The following RUNDC3B variants were observed in gnomAD, a reference collection of about 807,000 sequenced individuals.
RUNDC3B encodes RUN domain-containing protein 3B.
RUNDC3B carries 33 observed loss-of-function variants against 58.4 expected under a neutral mutation model. The observed-to-expected ratio is 0.56, with a 90% CI of 0.43 to 0.75. The LOEUF (loss-of-function observed/expected upper bound fraction) is 0.75. RUNDC3B is among the 30% of genes least tolerant of loss of function. The pLI is 0.00. For synonymous variants in RUNDC3B, 193 were observed against 195.2 expected (o/e 0.99, Z 0.10); for missense variants, 501 against 535.7 (o/e 0.94, Z 0.64).
rs1168141924 is a variant in RUNDC3B at position 87,796,742 on chromosome 7, C to T, written c.957-10631C>T. 3.3e-5 allele frequency among the ~76,000 whole-genome samples: 5 copies of T among 152,098 alleles called. No homozygotes were observed. In the East Asian group the frequency reaches 9.6e-4, roughly 29 times the overall value. ...AATAAGAGAGACGTTAAGGTGTTCC[C>T]GGATAAATATAAGCTGAAGACATTC... On this transcript the variant is annotated intron_variant, in intron 8 of 10. Coordinates refer to ENST00000394654, the MANE Select transcript of RUNDC3B (RefSeq NM_001134405.2).
intron 2 of RUNDC3B, among the ~76,000 whole-genome samples, chr7:87,653,512 A>G (rs1157992513): frequency 6.6e-6 from 1 of 152,048 alleles, no homozygotes; most frequent in Non-Finnish European, 1.5e-5. Flanking sequence ...TAACAGGGGG[A>G]CATATAGTCT....
chr7:87,664,380 T>C (rs894787141), intron 2 of RUNDC3B, among the ~76,000 whole-genome samples: 1 of 152,062 alleles, frequency 6.6e-6, no homozygotes, highest in Non-Finnish European at 1.5e-5. Flanking sequence ...CAAAATTACT[T>C]TACTTACAAG....
At position 87,677,274 on chromosome 7, in the gene RUNDC3B, A is replaced by AACACAC. The variant is rs57009840; in HGVS notation, c.239-23116_239-23111dup. Reference sequence around the variant, plus strand: ...TGGATTAATAAACTACAGTGTATATAACACACACACACACACACACACACA... The same window carrying AACACAC: ...TGGATTAATAAACTACAGTGTATATAACACACACACACACACACACACACACACACA... On this transcript the variant is annotated intron_variant, in intron 2 of 10. Coordinates refer to ENST00000394654, the MANE Select transcript of RUNDC3B (RefSeq NM_001134405.2). Among the ~76,000 whole-genome samples the AACACAC allele has an allele frequency of 2.8e-3, 374 of 135,892 alleles. 2 individuals carry two copies. Among genetic ancestry groups the AACACAC allele is most frequent in the Middle Eastern group, 0.015 (4 of 266 alleles). The allele number at this position is 135,892 out of a possible 152,430, so 89.2% of individuals were successfully genotyped here. A position where few individuals can be genotyped will look rare whatever the true frequency, so the allele number is the denominator to read the frequency against.
Position 87,736,458 on chromosome 7 carries a change from T to G in RUNDC3B, c.459-3333T>G, listed in dbSNP as rs192938395. Among the ~76,000 whole-genome samples the G allele has an allele frequency of 4.0e-3, 608 of 152,166 alleles. 3 individuals carry two copies. Among genetic ancestry groups the G allele is most frequent in the African/African-American group, 0.014 (581 of 41,548 alleles). On this transcript the variant is annotated intron_variant, in intron 4 of 10. Transcript: ENST00000394654. The stretch of plus-strand genomic sequence containing the variant: ...TCAATTAGAGTTAAATTATATGTGG[T>G]AAAAGAAAAGCATATTCTTATAAGG...
At chr7:87,821,795 A>T (rs551663519) in intron 10 of RUNDC3B, among the ~76,000 whole-genome samples, 1 of 152,332 alleles carries the variant, frequency 6.6e-6, no homozygotes, top group African/African-American at 2.4e-5. Context: ...TGGGGAAAGG[A>T]TTCCCTATTT....
At chr7:87,749,613 C>A (rs1832844406) in intron 6 of RUNDC3B, among the ~76,000 whole-genome samples, 1 of 152,058 alleles carries the variant, frequency 6.6e-6, no homozygotes, top group South Asian at 2.1e-4. Flanking sequence ...GTATTAGACA[C>A]ATTTTTTAAA....
At chr7:87,722,361 C>G (rs1215312938) in intron 4 of RUNDC3B, among the ~76,000 whole-genome samples, 1 of 152,016 alleles carries the variant, frequency 6.6e-6, no homozygotes, top group African/African-American at 2.4e-5. Flanking sequence ...CATGCCCCTA[C>G]CCCCCAGCCT....
chr7:87,738,248 A>G (rs1035973728), intron 4 of RUNDC3B, among the ~76,000 whole-genome samples: 1 of 152,076 alleles, frequency 6.6e-6, no homozygotes, highest in African/African-American at 2.4e-5. Context: ...CCAATAGCCA[A>G]CTTAGTTATT....
chr7:87,656,026 C>G (rs944503796), intron 2 of RUNDC3B, among the ~76,000 whole-genome samples: 1 of 152,082 alleles, frequency 6.6e-6, no homozygotes, highest in African/African-American at 2.4e-5. Context: ...GACCCCAAAT[C>G]TGATGGTGCT....
At chr7:87,644,387 C>T (rs1307274133) in intron 1 of RUNDC3B, among the ~76,000 whole-genome samples, 1 of 152,192 alleles carries the variant, frequency 6.6e-6, no homozygotes, top group African/African-American at 2.4e-5. Context: ...TACCTCACCC[C>T]TGTGTTAGAG....
intron 7 of RUNDC3B, among the ~76,000 whole-genome samples, 163 bp downstream of exon 7, chr7:87,770,912 A>G (rs1383458604): frequency 6.6e-6 from 1 of 152,210 alleles, no homozygotes; most frequent in Non-Finnish European, 1.5e-5. Context: ...CAACTGTAGA[A>G]GATACTTTTG....
chr7:87,660,092 A>G (rs1481714092), intron 2 of RUNDC3B, among the ~76,000 whole-genome samples: 1 of 152,024 alleles, frequency 6.6e-6, no homozygotes, highest in Non-Finnish European at 1.5e-5. Flanking sequence ...TTTTGTTGTC[A>G]AGGTTATCCT....
intron 8 of RUNDC3B, among the ~76,000 whole-genome samples, chr7:87,778,952 T>G (rs1414481752): frequency 6.6e-6 from 1 of 152,184 alleles, no homozygotes; most frequent in Non-Finnish European, 1.5e-5. Context: ...AATTCCCATA[T>G]GATGTTTCCT....
chr7:87,762,127 T>C (rs927792656), intron 6 of RUNDC3B, among the ~76,000 whole-genome samples: 6 of 151,708 alleles, frequency 4.0e-5, no homozygotes, highest in Admixed American at 3.3e-4. Context: ...CTTAATGTGC[T>C]ATGGGGTACT....
intron 7 of RUNDC3B, among the ~76,000 whole-genome samples, chr7:87,771,046 T>C (rs1201375300): frequency 6.6e-6 from 1 of 152,222 alleles, no homozygotes; most frequent in Non-Finnish European, 1.5e-5. Flanking sequence ...ATGATTGGTT[T>C]GTGAAAATGC....
chr7:87,739,214 T>C (rs993360089), intron 4 of RUNDC3B, among the ~76,000 whole-genome samples: 4 of 151,988 alleles, frequency 2.6e-5, no homozygotes, highest in African/African-American at 9.7e-5. Context: ...CAAGGAGATA[T>C]TGAATACTTT....
At chr7:87,734,852 C>T (rs1831829121) in intron 4 of RUNDC3B, among the ~76,000 whole-genome samples, 2 of 152,238 alleles carry the variant, frequency 1.3e-5, no homozygotes, top group Admixed American at 6.5e-5. Context: ...AATCTCTTCA[C>T]CTTTAAGTTA....
intron 2 of RUNDC3B, among the ~76,000 whole-genome samples, chr7:87,659,843 A>G (rs1246887888): frequency 1.3e-5 from 2 of 152,144 alleles, no homozygotes; most frequent in African/African-American, 4.8e-5. Context: ...AGCAGGAGGA[A>G]AATACATCTA....
intron 2 of RUNDC3B, among the ~76,000 whole-genome samples, chr7:87,654,327 A>G (rs912063749): frequency 6.6e-6 from 1 of 151,984 alleles, no homozygotes; most frequent in East Asian, 1.9e-4. Flanking sequence ...CTTGACTTCA[A>G]AATATACTGC....
Sources: allele counts gnomAD v4.1 joint callset (sites outside exome capture counted in the v4.1 genomes callset), GRCh38; gene constraint gnomAD v4.1.1; transcripts MANE v1.5; gene names NCBI Gene and HGNC (gene_info 2026-07-23, HGNC 2026-07-21).